PRKG1: variants seen among roughly 807,000 people sequenced by gnomAD.
PRKG1 encodes protein kinase cGMP-dependent 1.
In PRKG1, 35 loss-of-function variants were observed where a neutral mutation model predicts 88.1. The ratio of observed to expected loss-of-function variants is 0.40; its 90% CI spans 0.30 to 0.53. PRKG1 has a LOEUF of 0.53. Among genes scored for constraint, PRKG1 ranks in the 20% least tolerant of loss-of-function variants. The probability of loss-of-function intolerance (pLI) is 0.59; values close to 1 mark genes in which losing one functional copy is unlikely to be tolerated. For synonymous variants in PRKG1, 303 were observed against 292.5 expected (o/e 1.04, Z -0.37); for missense variants, 540 against 839.8 (o/e 0.64, Z 4.41).
intron 7 of PRKG1, among the ~76,000 whole-genome samples, chr10:52,122,179 G>A (rs550562768): frequency 3.9e-5 from 6 of 152,330 alleles, no homozygotes; most frequent in Admixed American, 1.3e-4. Flanking sequence ...GCAAGAAAGC[G>A]TGTGCACACG....
chr10:51,941,584 TA>T (rs1291990595), intron 5 of PRKG1, among the ~76,000 whole-genome samples: 1 of 151,722 alleles, frequency 6.6e-6, no homozygotes, highest in Non-Finnish European at 1.5e-5. Flanking sequence ...GTATATCTCC[TA>T]AATGCTATCC....
Position 51,458,807 on chromosome 10 carries a change from G to A in PRKG1, c.479-8916G>A, listed in dbSNP as rs191016475. On this transcript the variant is annotated intron_variant, in intron 2 of 17. Coordinates refer to ENST00000373980, the MANE Select transcript of PRKG1 (RefSeq NM_006258.4). ...TGAACAACACAGGATTGAGCTTCACGGGTCTACTTATATGTAGGTATTTTT... is the reference window on the plus strand; with the variant it reads ...TGAACAACACAGGATTGAGCTTCACAGGTCTACTTATATGTAGGTATTTTT... 3.3e-5 allele frequency among the ~76,000 whole-genome samples: 5 copies of A among 152,180 alleles called. No homozygotes were observed. The East Asian group carries it at 7.7e-4, about 24-fold the overall frequency.
chr10:51,906,773 T>C (rs1453947456), intron 4 of PRKG1, among the ~76,000 whole-genome samples: 1 of 152,142 alleles, frequency 6.6e-6, no homozygotes, highest in Non-Finnish European at 1.5e-5. Flanking sequence ...GGATTCTGTA[T>C]AGAATGTAGA....
chr10:51,552,074 G>A (rs981568923), intron 3 of PRKG1, among the ~76,000 whole-genome samples: 1 of 151,582 alleles, frequency 6.6e-6, no homozygotes, highest in Non-Finnish European at 1.5e-5. Context: ...TATCTTGATA[G>A]CTATATACCC....
intron 9 of PRKG1, among the ~76,000 whole-genome samples, chr10:52,218,335 G>A (rs1840164520): frequency 6.6e-6 from 1 of 151,688 alleles, no homozygotes; most frequent in Non-Finnish European, 1.5e-5. Flanking sequence ...TCTTTTGCCT[G>A]GCATTGAGGT....
chr10:51,598,249 T>C (rs928187719), intron 3 of PRKG1, among the ~76,000 whole-genome samples: 2 of 152,098 alleles, frequency 1.3e-5, no homozygotes, highest in African/African-American at 2.4e-5. Context: ...TTCATTCTTT[T>C]AACTTTTTTA....
At chr10:51,727,334 A>G (rs1842160300) in intron 3 of PRKG1, among the ~76,000 whole-genome samples, 1 of 150,756 alleles carries the variant, frequency 6.6e-6, no homozygotes. Flanking sequence ...ATATTTTTGG[A>G]ATTTTGATGT....
At chr10:51,595,099 C>A (rs1838409739) in intron 3 of PRKG1, among the ~76,000 whole-genome samples, 1 of 152,104 alleles carries the variant, frequency 6.6e-6, no homozygotes, top group Admixed American at 6.6e-5. Context: ...GTAACCCCAG[C>A]ATTTTGGAAA....
At chr10:51,537,459 G>A (rs1442598981) in intron 3 of PRKG1, among the ~76,000 whole-genome samples, 5 of 152,122 alleles carry the variant, frequency 3.3e-5, no homozygotes, top group East Asian at 1.9e-4. Flanking sequence ...GAGGCCAGGC[G>A]TGGTGGCTCA....
At chr10:51,084,754 C>A (rs1844206519) in intron 1 of PRKG1, among the ~76,000 whole-genome samples, 1 of 152,112 alleles carries the variant, frequency 6.6e-6, no homozygotes, top group Non-Finnish European at 1.5e-5. Flanking sequence ...TAAGAAGTAA[C>A]ATTGTACTTC....
intron 2 of PRKG1, among the ~76,000 whole-genome samples, chr10:51,191,594 A>G (rs1375198382): frequency 6.6e-6 from 1 of 151,914 alleles, no homozygotes; most frequent in Non-Finnish European, 1.5e-5. Context: ...GAGACTTATT[A>G]GTGGCCAGAT....
intron 9 of PRKG1, among the ~76,000 whole-genome samples, chr10:52,238,192 C>A (rs1435308851): frequency 1.1e-5 from 1 of 93,088 alleles, no homozygotes; most frequent in African/African-American, 4.3e-5. Context: ...AAGATTTAAA[C>A]GTTAGACCTA....
chr10:52,249,587 G>T (rs1463259516), intron 9 of PRKG1, among the ~76,000 whole-genome samples: 2 of 152,004 alleles, frequency 1.3e-5, no homozygotes, highest in Non-Finnish European at 2.9e-5. Context: ...GAATTTTGGG[G>T]GTGCTTTCAA....
chr10:51,393,310 G>A (rs527247477), intron 2 of PRKG1, among the ~76,000 whole-genome samples: 16 of 151,270 alleles, frequency 1.1e-4, no homozygotes, highest in African/African-American at 2.7e-4. Flanking sequence ...GATGGCGGCC[G>A]GGAAGAGGCG....
chr10:51,696,332 TGA>T (rs1296753771), intron 3 of PRKG1: 5 of 152,030 alleles, frequency 3.3e-5, no homozygotes, highest in East Asian at 1.9e-4. Flanking sequence ...ACCAAGAAAC[TGA>T]GAGTTTTACT....
intron 2 of PRKG1, among the ~76,000 whole-genome samples, chr10:51,333,546 G>A (rs1481865754): frequency 6.6e-6 from 1 of 152,182 alleles, no homozygotes; most frequent in Non-Finnish European, 1.5e-5. Context: ...AAAAAGCTTA[G>A]CACATGTTGA....
intron 9 of PRKG1, among the ~76,000 whole-genome samples, chr10:52,248,074 C>A (rs1841070599): frequency 6.6e-6 from 1 of 152,198 alleles, no homozygotes; most frequent in Admixed American, 6.5e-5. Context: ...CAGGAACATG[C>A]CTTTAAGGCA....
intron 2 of PRKG1, among the ~76,000 whole-genome samples, chr10:51,225,611 T>C (rs562591549): frequency 6.2e-4 from 94 of 152,276 alleles, no homozygotes; most frequent in Middle Eastern, 3.4e-3. Flanking sequence ...TAGAAAATTA[T>C]GTTTTCTTAA....
rs1178162712 is a variant in PRKG1 at position 52,296,420 on chromosome 10, T to A, written c.*2520T>A. The A allele has an allele frequency of 6.6e-6, 1 of 152,100 alleles. No individual in the cohort carries two copies. The highest frequency in any genetic ancestry group is 1.9e-4 in the East Asian group (1 of 5,202). 9.4% of individuals were successfully genotyped at this position (152,100 alleles called of 1,614,324 possible). ...TACCACAAAATAAAGGTAAACTACA[T>A]CTTCCAAGATGTACCAACAGAAAAC... On this transcript the variant is annotated 3_prime_UTR_variant, in exon 18 of 18. Coordinates refer to ENST00000373980, the MANE Select transcript of PRKG1 (RefSeq NM_006258.4).
Sources: gnomAD v4.1 joint callset for allele counts (sites outside exome capture counted in the v4.1 genomes callset) on GRCh38, gnomAD v4.1.1 for gene constraint, MANE v1.5 for transcripts, NCBI Gene and HGNC (gene_info 2026-07-23, HGNC 2026-07-21) for gene names.